The following STK32C variants were observed in gnomAD, a reference collection of about 807,000 sequenced individuals.
The protein encoded by STK32C is serine/threonine kinase 32C, also known as serine/threonine-protein kinase 32C.
A neutral mutation model predicts 56.5 loss-of-function variants in STK32C; 31 were observed. That is an observed-to-expected ratio of 0.55 (90% CI 0.41 to 0.74). The LOEUF (loss-of-function observed/expected upper bound fraction) is 0.74, where lower values mean the gene tolerates loss of function less well. Ranked by LOEUF, STK32C falls within the 30% of genes least tolerant of loss-of-function variation. STK32C has a pLI of 0.00. For missense variants in STK32C, 544 were observed against 676.9 expected, an observed-to-expected ratio of 0.80 and a Z score of 2.18; for synonymous variants, 309 against 289.4, an observed-to-expected ratio of 1.07 and a Z score of -0.69.
intron 10 of STK32C, among the ~76,000 whole-genome samples, chr10:132,209,873 C>T (rs1018160067): frequency 6.6e-6 from 1 of 152,192 alleles, no homozygotes; most frequent in Admixed American, 6.5e-5. Flanking sequence ...AGGGCCCCCA[C>T]CTCCTGCAGC....
chr10:132,251,847 G>T (rs12778224), intron 1 of STK32C, among the ~76,000 whole-genome samples: 1 of 137,988 alleles, frequency 7.2e-6, no homozygotes, highest in African/African-American at 2.7e-5. Context: ...GCAGGTCAAT[G>T]CCCTACGCCT....
At chr10:132,266,409 T>C (rs1041884770) in intron 1 of STK32C, among the ~76,000 whole-genome samples, 1 of 152,082 alleles carries the variant, frequency 6.6e-6, no homozygotes, top group African/African-American at 2.4e-5. Flanking sequence ...GTTACACAGG[T>C]GTGCCCATCT....
chr10:132,271,959 C>T (rs7070526), intron 1 of STK32C, among the ~76,000 whole-genome samples: 66,027 of 152,124 alleles, frequency 0.43, 15,484 homozygotes, highest in African/African-American at 0.6. Context: ...TGTGTGTGTG[C>T]TGGCGGGGCA....
intron 1 of STK32C, among the ~76,000 whole-genome samples, chr10:132,330,118 T>C (rs1038095062): frequency 5.9e-5 from 9 of 152,176 alleles, no homozygotes; most frequent in Non-Finnish European, 5.9e-5. Flanking sequence ...CCAAGAATAC[T>C]TGCCAAAAGG....
At position 132,307,612 on chromosome 10, in the gene STK32C, C is replaced by T; in HGVS notation, c.222G>A (p.Ala74=). Residue 74 remains alanine (A), a synonymous_variant, in exon 1 of 12, where the codon GCG becomes GCA. Coordinates refer to ENST00000298630, the MANE Select transcript of STK32C (RefSeq NM_173575.4). This position sits in a 1 kb window ranked among gnomAD's most constrained non-coding sequence, Gnocchi z 4.4. Reference sequence around the variant, plus strand: ...CAAACACCGGCCTCCGCGCGGTGGCCGCCGACATGGACGAGCCCATCCTCT... The same window carrying T: ...CAAACACCGGCCTCCGCGCGGTGGCTGCCGACATGGACGAGCCCATCCTCT... The part of the protein sequence containing the change: ...WKKRMGSSMS[A]ATARRPVFDD... The T allele has an allele frequency of 1.3e-6, 2 of 1,560,104 alleles. No individual in the cohort carries two copies. Among genetic ancestry groups the T allele is most frequent in the South Asian group, 1.2e-5 (1 of 86,620 alleles).
At chr10:132,237,772 G>A (rs1012734038) in intron 2 of STK32C, among the ~76,000 whole-genome samples, 2 of 152,214 alleles carry the variant, frequency 1.3e-5, no homozygotes, top group African/African-American at 2.4e-5. Context: ...CTAGAGCCTG[G>A]AGGAGAACCA....
intron 1 of STK32C, among the ~76,000 whole-genome samples, chr10:132,327,337 G>A (rs557721658): frequency 6.6e-6 from 1 of 152,304 alleles, no homozygotes; most frequent in East Asian, 1.9e-4. Flanking sequence ...CCCCGGCCAT[G>A]TGGAACTTTA....
intron 1 of STK32C, among the ~76,000 whole-genome samples, chr10:132,260,253 C>A (rs1278501444): frequency 6.6e-6 from 1 of 152,190 alleles, no homozygotes; most frequent in East Asian, 1.9e-4. Context: ...TGGCCCTGCT[C>A]AGCCACTGGG....
In STK32C at chr10:132,287,520, C is replaced by T. The variant is rs370933958; in HGVS notation, c.262+20052G>A. On this transcript the variant is annotated intron_variant, in intron 1 of 11. Transcript: ENST00000298630. ...AGGCTAGAGTGCAGTGGCGTGATCTCGGCTCACTGCAACCTCCACCTCCCG... is the reference window on the plus strand; with the variant it reads ...AGGCTAGAGTGCAGTGGCGTGATCTTGGCTCACTGCAACCTCCACCTCCCG... Among the ~76,000 whole-genome samples the T allele has an allele frequency of 3.3e-5, 5 of 150,846 alleles. No homozygotes were observed. In the South Asian group the frequency reaches 6.3e-4, roughly 19 times the overall value.
intron 1 of STK32C, among the ~76,000 whole-genome samples, chr10:132,258,623 C>T (rs1364526822): frequency 2.0e-5 from 3 of 152,244 alleles, no homozygotes; most frequent in Non-Finnish European, 4.4e-5. Flanking sequence ...AGGAACAGGG[C>T]GGCGGGCTCA....
chr10:132,295,608 G>A (rs115113068), intron 1 of STK32C, among the ~76,000 whole-genome samples: 2,183 of 152,370 alleles, frequency 0.014, 59 homozygotes, highest in African/African-American at 0.05. Flanking sequence ...ATTCCAGGCC[G>A]GGCGCAGTGG....
intron 1 of STK32C, chr10:132,249,060 C>T (rs768564706): frequency 3.6e-5 from 17 of 477,838 alleles, no homozygotes; most frequent in African/African-American, 3.9e-5. Context: ...GCGACGGAGG[C>T]GGCGGCTCCG....
intron 1 of STK32C, among the ~76,000 whole-genome samples, chr10:132,316,937 A>AG (rs2066321251): frequency 6.8e-6 from 1 of 147,324 alleles, no homozygotes; most frequent in Admixed American, 6.9e-5. Flanking sequence ...TGGGAGGCAG[A>AG]GGTTGCAGTG....
At chr10:132,268,694 CGCAT>C (rs1481557634) in intron 1 of STK32C, among the ~76,000 whole-genome samples, 2 of 65,066 alleles carry the variant, frequency 3.1e-5, no homozygotes, top group East Asian at 5.1e-4. Context: ...CCTGTCTGTG[CGCAT>C]GCATGTCTCA....
At chr10:132,249,063 CGGCTCCGGCAGA>C (rs1565108073) in intron 1 of STK32C, 2 of 478,414 alleles carry the variant, frequency 4.2e-6, no homozygotes, top group Non-Finnish European at 8.4e-6. Flanking sequence ...ACGGAGGCGG[CGGCTCCGGCAGA>C]GGCTCCCAGC....
chr10:132,225,987 T>C (rs1051592838), intron 4 of STK32C, among the ~76,000 whole-genome samples: 3 of 152,168 alleles, frequency 2.0e-5, no homozygotes, highest in Non-Finnish European at 4.4e-5. Flanking sequence ...GCCACTTCGT[T>C]CCCTGTGGCA....
At chr10:132,269,131 A>G (rs1815629729) in intron 1 of STK32C, among the ~76,000 whole-genome samples, 1 of 150,268 alleles carries the variant, frequency 6.7e-6, no homozygotes, top group South Asian at 2.1e-4. Context: ...GCGTGTGTAC[A>G]TGCACGTGTC....
chr10:132,278,590 T>A (rs1178841731), intron 1 of STK32C, among the ~76,000 whole-genome samples: 1 of 151,406 alleles, frequency 6.6e-6, no homozygotes, highest in African/African-American at 2.4e-5. Flanking sequence ...TGAAACCCCA[T>A]CTCTACTAAA....
chr10:132,296,372 A>G (rs183727412), intron 1 of STK32C, among the ~76,000 whole-genome samples: 72 of 152,090 alleles, frequency 4.7e-4, no homozygotes, highest in Admixed American at 1.3e-3. Flanking sequence ...TTCAGTTCAC[A>G]ACGAGGTATG....
Sources: gnomAD v4.1 joint callset for allele counts (sites outside exome capture counted in the v4.1 genomes callset) on GRCh38, gnomAD v4.1.1 for gene constraint, Gnocchi (gnomAD v3.1) non-coding constraint, MANE v1.5 for transcripts, NCBI Gene and HGNC (gene_info 2026-07-23, HGNC 2026-07-21) for gene names.